The following ACER3 variants were observed in gnomAD, a reference collection of about 807,000 sequenced individuals.
ACER3 encodes the protein alkCDase 3.
A neutral mutation model predicts 48.9 loss-of-function variants in ACER3; 16 were observed. The observed-to-expected ratio is 0.33, with a 90% confidence interval of 0.22 to 0.50. The LOEUF (loss-of-function observed/expected upper bound fraction) is 0.50. Among genes scored for constraint, ACER3 ranks in the 20% least tolerant of loss-of-function variants. ACER3 has a pLI of 0.98. For missense variants in ACER3, 227 were observed against 326.0 expected (o/e 0.70, Z 2.34); for synonymous variants, 109 against 107.8 (o/e 1.01, Z -0.07).
At chr11:77,011,968 C>T (rs1420637770) in intron 7 of ACER3, among the ~76,000 whole-genome samples, 3 of 151,948 alleles carry the variant, frequency 2.0e-5, no homozygotes, top group Non-Finnish European at 1.5e-5. Flanking sequence ...AACACCTAGT[C>T]ATGACATGTA....
intron 9 of ACER3, 62 bp downstream of exon 9, chr11:77,016,841 C>A: frequency 2.5e-6 from 2 of 796,762 alleles, no homozygotes; most frequent in Non-Finnish European, 3.9e-6. Context: ...TTTCTTTACT[C>A]TTTAAATAGG....
intron 7 of ACER3, among the ~76,000 whole-genome samples, chr11:77,010,586 A>G (rs1949243923): frequency 6.6e-6 from 1 of 152,310 alleles, no homozygotes; most frequent in East Asian, 1.9e-4. Context: ...AAAATAATTC[A>G]AGAAAACATT....
intron 1 of ACER3, among the ~76,000 whole-genome samples, chr11:76,890,705 C>G (rs1416072094): frequency 6.6e-6 from 1 of 152,148 alleles, no homozygotes; most frequent in African/African-American, 2.4e-5. Flanking sequence ...TACCAAACAT[C>G]TACTATATGT....
chr11:76,987,020 C>T lies in ACER3; in HGVS notation c.402+1296C>T, dbSNP rs535443417. 1.1e-4 allele frequency among the ~76,000 whole-genome samples: 17 copies of T among 152,140 alleles called. No homozygotes were observed. In the East Asian group the frequency reaches 3.3e-3, roughly 29 times the overall value. ...GGCGGAGGCTGCAGTGAGCTGAGAT[C>T]GTGCCACTCCACTCCAGCCTAGGCA... On this transcript the variant is annotated intron_variant, in intron 5 of 10. Transcript: ENST00000532485.
intron 5 of ACER3, 91 bp downstream of exon 5, chr11:76,985,815 T>C (rs1591032847): frequency 3.0e-6 from 2 of 674,420 alleles, no homozygotes; most frequent in East Asian, 6.5e-5. Flanking sequence ...TGCTTCATGC[T>C]GTCAAACTGA....
At chr11:76,875,909 T>C (rs540279854) in intron 1 of ACER3, among the ~76,000 whole-genome samples, 8 of 151,838 alleles carry the variant, frequency 5.3e-5, no homozygotes, top group Non-Finnish European at 1.0e-4. Context: ...CTAATTTTTG[T>C]ATTATTAGTA....
At chr11:76,897,499 C>G (rs1945962686) in intron 1 of ACER3, among the ~76,000 whole-genome samples, 1 of 152,004 alleles carries the variant, frequency 6.6e-6, no homozygotes, top group Non-Finnish European at 1.5e-5. Flanking sequence ...TATTGGTTCA[C>G]TGTTGATGCA....
At chr11:76,888,690 T>G (rs1386921394) in intron 1 of ACER3, among the ~76,000 whole-genome samples, 1 of 148,812 alleles carries the variant, frequency 6.7e-6, no homozygotes, top group African/African-American at 2.4e-5. Flanking sequence ...GACCACAACA[T>G]AGTAGCTTGC....
chr11:76,957,491 T>C, intron 2 of ACER3: 1 of 451,026 alleles, frequency 2.2e-6, no homozygotes, highest in Non-Finnish European at 4.4e-6. Context: ...TCGCCGAGGC[T>C]GAAGTGCAGT....
chr11:76,976,324 C>T lies in ACER3; in HGVS notation c.303C>T (p.Cys101=), dbSNP rs748773593. 3.3e-5 allele frequency: 53 copies of T among 1,602,920 alleles called. No homozygotes were observed. Among genetic ancestry groups the T allele is most frequent in the Non-Finnish European group, 4.4e-5 (52 of 1,173,668 alleles). Residue 101 remains cysteine, a synonymous_variant, in exon 4 of 11, where the codon TGC becomes TGT. Transcript: ENST00000532485. ...AACTCCCAATGATATACAGCTGTTG[C>T]ATATTTGTGTACTGCATGTAAGTAC... ...LDELPMIYSC[C]IFVYCMFECF...
intron 8 of ACER3, chr11:77,015,409 G>C (rs782148533): frequency 1.6e-5 from 4 of 243,938 alleles, no homozygotes; most frequent in Non-Finnish European, 3.1e-5. Context: ...AAACATGCCT[G>C]ATCTGTTTCA....
chr11:77,020,178 T>C, intron 10 of ACER3, 96 bp from the exon 11 acceptor site: 1 of 1,303,990 alleles, frequency 7.7e-7, no homozygotes, highest in Non-Finnish European at 1.1e-6. Context: ...AACCTACGTA[T>C]AGTCATAGCC....
chr11:76,890,842 G>T (rs1280939206), intron 1 of ACER3, among the ~76,000 whole-genome samples: 1 of 152,072 alleles, frequency 6.6e-6, no homozygotes, highest in Non-Finnish European at 1.5e-5. Flanking sequence ...AGTAATCACC[G>T]GGTGCGGTGG....
rs1366870655 is a variant in ACER3, at chr11:76,906,318, CA to C, written c.104-20238del. ...CAGGAGTCACAGGCCAGAGGACACA[CA>C]TTTGTGACTTCTCTGATTACTCCTA... On this transcript the variant is annotated intron_variant, in intron 1 of 10. Transcript: ENST00000532485. Among the ~76,000 whole-genome samples the C allele has an allele frequency of 2.0e-5, 3 of 152,190 alleles. No individual in the cohort carries two copies. In the South Asian group the frequency reaches 6.2e-4, roughly 31 times the overall value.
At chr11:76,927,720 T>C (rs1404321878) in intron 2 of ACER3, among the ~76,000 whole-genome samples, 1 of 152,154 alleles carries the variant, frequency 6.6e-6, no homozygotes, top group Non-Finnish European at 1.5e-5. Context: ...TTTGGTTTTT[T>C]GGCCTTGCGA....
intron 1 of ACER3, chr11:76,868,272 G>A: frequency 7.8e-7 from 1 of 1,283,556 alleles, no homozygotes; most frequent in South Asian, 1.3e-5. Flanking sequence ...TGACAGGCAA[G>A]CAGCACTGCC....
chr11:76,976,637 A>G (rs1202383409), intron 4 of ACER3, among the ~76,000 whole-genome samples: 2 of 152,186 alleles, frequency 1.3e-5, no homozygotes, highest in Non-Finnish European at 2.9e-5. Context: ...AGATTTTCAT[A>G]TTGTGCCATA....
chr11:77,023,218 G>A lies in ACER3; in HGVS notation c.*2891G>A, dbSNP rs58717726. ...ATGAGAACCCAAATAGTAGTGTTTT[G>A]TTTGACAGAAGTAAATCAAATATTA... On this transcript the variant is annotated 3_prime_UTR_variant, in exon 11 of 11. Transcript: ENST00000532485. 3.6e-3 allele frequency: 1,420 copies of A among 398,434 alleles called. 21 individuals are homozygous for A. Among genetic ancestry groups the A allele is most frequent in the African/African-American group, 0.027 (1,305 of 48,750 alleles). The allele number at this position is 398,434 out of a possible 1,614,324, so 24.7% of individuals were successfully genotyped here. A position where few individuals can be genotyped will look rare whatever the true frequency, so the allele number is the denominator to read the frequency against.
At chr11:77,001,640 G>A (rs1309808427) in intron 7 of ACER3, among the ~76,000 whole-genome samples, 1 of 152,066 alleles carries the variant, frequency 6.6e-6, no homozygotes, top group Non-Finnish European at 1.5e-5. Flanking sequence ...GTTCCTTTTT[G>A]CCTTATTGAC....
Sources: gnomAD v4.1 joint callset for allele counts (sites outside exome capture counted in the v4.1 genomes callset) on GRCh38, gnomAD v4.1.1 for gene constraint, MANE v1.5 for transcripts, NCBI Gene and HGNC (gene_info 2026-07-23, HGNC 2026-07-21) for gene names.